HYDIN: variants seen among roughly 807,000 people sequenced by gnomAD.
HYDIN encodes HYDIN axonemal central pair apparatus protein, also known as axonemal central pair apparatus protein HYDIN.
A neutral mutation model predicts 403.9 loss-of-function variants in HYDIN; 132 were observed. The observed-to-expected ratio is 0.33, with a 90% CI of 0.28 to 0.38. The LOEUF is 0.38. Ranked by LOEUF, HYDIN falls within the 10% of genes least tolerant of loss-of-function variation. HYDIN has a pLI of 1.00. For synonymous variants in HYDIN, 1,202 were observed against 1,891.7 expected, an observed-to-expected ratio of 0.64 and a Z score of 9.46; for missense variants, 2,827 against 5,009.5, an observed-to-expected ratio of 0.56 and a Z score of 13.15.
In HYDIN at chr16:71,230,619, G is replaced by T. The variant is rs752823579; in HGVS notation, c.-81C>A. 3 of 1,535,842 alleles carry T rather than the reference G, an allele frequency of 2.0e-6. No individual in the cohort carries two copies. The highest frequency in any genetic ancestry group is 2.0e-5 in the Admixed American group (1 of 50,960). ...CCTCCATTCCCCGCCAAGACCCCGC[G>T]TCCAACTCACAGACCCCGCCGCCGC... On this transcript the variant is annotated 5_prime_UTR_variant, in exon 1 of 86. Transcript: ENST00000393567.
At chr16:70,904,722 G>A (rs1418822236) in intron 50 of HYDIN, among the ~76,000 whole-genome samples, 2 of 150,890 alleles carry the variant, frequency 1.3e-5, no homozygotes, top group Admixed American at 6.6e-5. Context: ...GGCTGGTCTC[G>A]AACTGGTGAC....
chr16:71,084,883 T>G (rs1244788785), intron 12 of HYDIN, among the ~76,000 whole-genome samples: 1 of 152,042 alleles, frequency 6.6e-6, no homozygotes, highest in Non-Finnish European at 1.5e-5. Context: ...TTATTCTTAT[T>G]AATATGTTCT....
intron 23 of HYDIN, among the ~76,000 whole-genome samples, chr16:71,006,778 G>A (rs1261484741): frequency 2.6e-5 from 4 of 152,150 alleles, no homozygotes; most frequent in East Asian, 1.9e-4. Context: ...CATCTAGCCC[G>A]CCCCAGCAGA....
chr16:70,821,552 A>G (rs2036262067), intron 83 of HYDIN, among the ~76,000 whole-genome samples: 1 of 152,080 alleles, frequency 6.6e-6, no homozygotes, highest in Non-Finnish European at 1.5e-5. Context: ...ACTCTAGGAT[A>G]GCCATTGTTA....
chr16:70,905,727 T>C (rs1462676271), intron 50 of HYDIN, among the ~76,000 whole-genome samples: 1 of 151,840 alleles, frequency 6.6e-6, no homozygotes. Context: ...ATAGTCACTG[T>C]CCTTCCCACA....
intron 71 of HYDIN, among the ~76,000 whole-genome samples, chr16:70,858,249 G>C (rs552317697): frequency 4.6e-5 from 7 of 152,264 alleles, no homozygotes; most frequent in African/African-American, 1.7e-4. Flanking sequence ...AATATGATTA[G>C]CCGGGCCAGC....
At chr16:70,874,771 G>C (rs555490595) in intron 63 of HYDIN, 46 bp downstream of exon 63, 1 of 1,580,000 alleles carries the variant, frequency 6.3e-7, no homozygotes, top group East Asian at 2.3e-5. Context: ...TAATGAAGCA[G>C]CTACTGAGAT....
intron 3 of HYDIN, among the ~76,000 whole-genome samples, chr16:71,181,847 C>T (rs774745473): frequency 8.6e-5 from 13 of 151,720 alleles, no homozygotes; most frequent in African/African-American, 2.4e-4. Context: ...GAAGCTCAAG[C>T]GATCATACAA....
At chr16:71,206,305 A>C (rs1209147255) in intron 1 of HYDIN, among the ~76,000 whole-genome samples, 2 of 152,224 alleles carry the variant, frequency 1.3e-5, no homozygotes, top group Non-Finnish European at 2.9e-5. Flanking sequence ...GCAGACACAG[A>C]GACAGTAATA....
chr16:70,977,177 C>T (rs974719485), intron 30 of HYDIN, among the ~76,000 whole-genome samples: 5 of 147,304 alleles, frequency 3.4e-5, no homozygotes, highest in Non-Finnish European at 7.6e-5. Flanking sequence ...AGTGGGCAGC[C>T]CGGGGCTGGC....
At chr16:71,173,320 C>T (rs1439445220) in intron 5 of HYDIN, among the ~76,000 whole-genome samples, 1 of 152,026 alleles carries the variant, frequency 6.6e-6, no homozygotes, top group Non-Finnish European at 1.5e-5. Flanking sequence ...AGGGGTTTCC[C>T]AATAAACATG....
At chr16:71,037,643 A>G (rs1360809338) in intron 18 of HYDIN, among the ~76,000 whole-genome samples, 2 of 151,922 alleles carry the variant, frequency 1.3e-5, no homozygotes. Flanking sequence ...GAGGGGCCAC[A>G]TGGCAAGGAA....
chr16:70,942,761 T>A (rs999543654), intron 42 of HYDIN, among the ~76,000 whole-genome samples: 11 of 152,102 alleles, frequency 7.2e-5, no homozygotes, highest in Admixed American at 1.3e-4. Flanking sequence ...CAGCTAAACT[T>A]TGTAGCAAGA....
intron 20 of HYDIN, chr16:71,027,002 C>A (rs896125801): frequency 2.5e-6 from 1 of 394,772 alleles, no homozygotes; most frequent in Non-Finnish European, 3.4e-6. Context: ...ATGGTTTCCA[C>A]ACTCTGTGAG....
At chr16:70,943,974 A>C (rs758219808) in intron 41 of HYDIN, 25 bp from the exon 42 acceptor site, 5 of 1,555,798 alleles carry the variant, frequency 3.2e-6, no homozygotes, top group Non-Finnish European at 4.4e-6. Flanking sequence ...AAGGATCAGG[A>C]GTCAGAATCT....
At chr16:71,143,869 T>C (rs1194859738) in intron 7 of HYDIN, among the ~76,000 whole-genome samples, 1 of 152,302 alleles carries the variant, frequency 6.6e-6, no homozygotes, top group Non-Finnish European at 1.5e-5. Context: ...ATATGTAAAT[T>C]ACTATAAAGC....
intron 83 of HYDIN, among the ~76,000 whole-genome samples, chr16:70,820,829 AG>A: frequency 6.6e-6 from 1 of 151,940 alleles, no homozygotes; most frequent in Non-Finnish European, 1.5e-5. Flanking sequence ...TTGTATTTTT[AG>A]TAGAGACGGG....
rs563857992 is a variant in HYDIN, at chr16:70,864,835, T to C, written c.11471+1334A>G. 1.4e-4 allele frequency among the ~76,000 whole-genome samples: 21 copies of C among 152,324 alleles called. No individual in the cohort carries two copies. The East Asian group carries it at 3.7e-3, about 27-fold the overall frequency. On this transcript the variant is annotated intron_variant, in intron 67 of 85. Transcript: ENST00000393567. The stretch of plus-strand genomic sequence containing the variant: ...TTTGTGTCCCATACGGTCTCTGCAA[T>C]GACTCAGCTCTGCCTTTGTAGTGGG...
chr16:70,994,265 G>A (rs2079454549), intron 23 of HYDIN, among the ~76,000 whole-genome samples: 1 of 100,204 alleles, frequency 1.0e-5, no homozygotes, highest in Non-Finnish European at 2.1e-5. Flanking sequence ...ATGGATGGAT[G>A]CATGGATGGA....
Sources: gnomAD v4.1 joint callset for allele counts (sites outside exome capture counted in the v4.1 genomes callset) on GRCh38, gnomAD v4.1.1 for gene constraint, MANE v1.5 for transcripts, NCBI Gene and HGNC (gene_info 2026-07-23, HGNC 2026-07-21) for gene names.